PDE4A: variants seen among roughly 807,000 people sequenced by gnomAD.
The protein encoded by PDE4A is 3',5'-cyclic-AMP phosphodiesterase 4A.
Under a neutral mutation model 73.9 loss-of-function variants are expected in PDE4A, and 21 were observed. The ratio of observed to expected loss-of-function variants is 0.28; its 90% CI spans 0.20 to 0.41. The LOEUF (loss-of-function observed/expected upper bound fraction) is 0.41, where lower values mean the gene tolerates loss of function less well. PDE4A is among the 10% of genes least tolerant of loss of function. The probability of loss-of-function intolerance (pLI) is 1.00; values close to 1 mark genes in which losing one functional copy is unlikely to be tolerated. For synonymous variants in PDE4A, 463 were observed against 505.4 expected, an observed-to-expected ratio of 0.92 and a Z score of 1.13; for missense variants, 958 against 1,211.4, an observed-to-expected ratio of 0.79 and a Z score of 3.10.
chr19:10,453,751 T>C lies in PDE4A; in HGVS notation c.784-1078T>C, dbSNP rs1190373692. 3.9e-5 allele frequency among the ~76,000 whole-genome samples: 6 copies of C among 152,236 alleles called. No individual in the cohort carries two copies. The East Asian group carries it at 9.6e-4, about 24-fold the overall frequency. On this transcript the variant is annotated intron_variant, in intron 6 of 14. Transcript: ENST00000380702. This position sits in a 1 kb window ranked among gnomAD's most constrained non-coding sequence, Gnocchi z 4.6. ...ATGTCAGTGACCGCCTTATTTTGCA[T>C]GCCCTTTGATCTGTGTGTCTGGGCT...
At chr19:10,460,655 G>A (rs1399683945) in intron 10 of PDE4A, among the ~76,000 whole-genome samples, 5 of 151,914 alleles carry the variant, frequency 3.3e-5, no homozygotes, top group South Asian at 2.1e-4. Context: ...AAAATTAGCC[G>A]GGCGTGGTGG....
chr19:10,417,634 C>T (rs369772165), upstream of PDE4A: 25 of 1,572,724 alleles, frequency 1.6e-5, no homozygotes, highest in East Asian at 3.9e-4. Context: ...CAGGCCACGC[C>T]CCTATTCCAC....
At chr19:10,440,987 C>G (rs1169518210) in intron 1 of PDE4A, among the ~76,000 whole-genome samples, 1 of 151,894 alleles carries the variant, frequency 6.6e-6, no homozygotes, top group Non-Finnish European at 1.5e-5. Context: ...ATCCGCCCAC[C>G]TCGGCCTCCC....
chr19:10,443,147 T>C (rs1349771367), intron 1 of PDE4A, among the ~76,000 whole-genome samples: 1 of 152,076 alleles, frequency 6.6e-6, no homozygotes, highest in Non-Finnish European at 1.5e-5. Flanking sequence ...CACTCCAGCC[T>C]GGGCAACAGA....
chr19:10,417,893 G>A (rs1389902481), upstream of PDE4A: 4 of 1,536,006 alleles, frequency 2.6e-6, no homozygotes, highest in Admixed American at 7.8e-5. Context: ...CAGAGTGGGA[G>A]GTGGGTTGGG....
At chr19:10,440,497 C>T (rs2042922647) in intron 1 of PDE4A, among the ~76,000 whole-genome samples, 1 of 152,166 alleles carries the variant, frequency 6.6e-6, no homozygotes, top group Admixed American at 6.6e-5. Flanking sequence ...GATGTCAGCT[C>T]ACTGCAATCT....
rs1452906644 is a variant in PDE4A at position 10,461,747 on chromosome 19, TG to T, written c.1620+70del. On this transcript the variant is annotated intron_variant, in intron 12 of 14. Coordinates refer to ENST00000380702, the MANE Select transcript of PDE4A (RefSeq NM_001111307.2). ...AGGAGTCGAGGGCTTTGGGGAGGAG[TG>T]GGTCTGAGTCCCAGAGGAACCCTCA... 1.9e-6 allele frequency: 3 copies of T among 1,593,730 alleles called. No individual in the cohort carries two copies. The African/African-American group carries it at 4.1e-5, about 22-fold the overall frequency.
chr19:10,424,416 C>T lies in PDE4A; in HGVS notation c.320+3332C>T, dbSNP rs1357227831. ...TCTCTGTCTCCACTTGGGTCCTCGC[C>T]TCCCCCTTGTCCCTGGCGCTCCCAA... On this transcript the variant is annotated intron_variant, in intron 1 of 14. Coordinates refer to ENST00000380702, the MANE Select transcript of PDE4A (RefSeq NM_001111307.2). The surrounding 1 kb of genome is among the most constrained non-coding windows in gnomAD (Gnocchi z 4.8). Among the ~76,000 whole-genome samples the T allele has an allele frequency of 1.3e-5, 2 of 152,230 alleles. No individual in the cohort carries two copies. Among genetic ancestry groups the T allele is most frequent in the Admixed American group, 1.3e-4 (2 of 15,288 alleles).
chr19:10,437,197 C>T (rs867647510), intron 1 of PDE4A, among the ~76,000 whole-genome samples: 6 of 152,108 alleles, frequency 3.9e-5, no homozygotes, highest in Admixed American at 6.6e-5. Flanking sequence ...GATCTTGGCT[C>T]ACTGCAATCT....
At chr19:10,433,249 C>T (rs2042818690) in intron 1 of PDE4A, among the ~76,000 whole-genome samples, 1 of 152,102 alleles carries the variant, frequency 6.6e-6, no homozygotes, top group Non-Finnish European at 1.5e-5. Context: ...CCAAGAGGAC[C>T]CTGCAGTTGA....
intron 6 of PDE4A, 93 bp from the exon 7 acceptor site, chr19:10,454,736 A>T: frequency 6.9e-6 from 11 of 1,593,404 alleles, no homozygotes; most frequent in South Asian, 3.4e-5. Context: ...GGAGGGACTC[A>T]TGGGGTCTTC....
intron 14 of PDE4A, 113 bp from the exon 15 acceptor site, chr19:10,466,774 A>G (rs1302472005): frequency 1.3e-6 from 2 of 1,487,116 alleles, no homozygotes; most frequent in Admixed American, 2.1e-5. Flanking sequence ...GATTATAGAC[A>G]TGAGCCACCA....
At chr19:10,452,939 C>T (rs1429097474) in intron 6 of PDE4A, 3 of 1,119,854 alleles carry the variant, frequency 2.7e-6, no homozygotes, top group Non-Finnish European at 3.3e-6. Context: ...CGCACACACA[C>T]GGGTGCACAC....
At chr19:10,445,392 G>A (rs1354213877) in intron 1 of PDE4A, among the ~76,000 whole-genome samples, 2 of 152,172 alleles carry the variant, frequency 1.3e-5, no homozygotes, top group East Asian at 3.8e-4. Flanking sequence ...ACAGCAGTGG[G>A]GATGGATGCA....
chr19:10,455,899 GC>G (rs988417293), intron 7 of PDE4A, among the ~76,000 whole-genome samples: 34 of 152,160 alleles, frequency 2.2e-4, no homozygotes, highest in African/African-American at 8.0e-4. Flanking sequence ...CAAGAGAGAT[GC>G]CCAAACTCAG....
chr19:10,452,012 T>A (rs561530689), intron 6 of PDE4A, among the ~76,000 whole-genome samples: 1 of 146,368 alleles, frequency 6.8e-6, no homozygotes, highest in East Asian at 2.0e-4. Flanking sequence ...TGAGGATGTT[T>A]CTGCAATGGT....
Position 10,444,454 on chromosome 19 carries a change from C to T in PDE4A, c.321-1764C>T, listed in dbSNP as rs143389279. On this transcript the variant is annotated intron_variant, in intron 1 of 14. Transcript: ENST00000380702. ...CGGAGGTTGCGGTGAGCTGAGATCG[C>T]GCCATTGCATTCCAGCCTGGGCAAC... Among the ~76,000 whole-genome samples the T allele has an allele frequency of 1.4e-4, 21 of 151,198 alleles. No homozygotes were observed. The East Asian group carries it at 3.9e-3, about 28-fold the overall frequency.
intron 6 of PDE4A, among the ~76,000 whole-genome samples, chr19:10,454,582 C>A (rs1046502909): frequency 1.3e-5 from 2 of 152,192 alleles, no homozygotes; most frequent in African/African-American, 4.8e-5. Flanking sequence ...AGGAGGGAAG[C>A]CCCTCTTTCC....
chr19:10,457,605 C>A (rs924941542), intron 7 of PDE4A, among the ~76,000 whole-genome samples: 17 of 152,084 alleles, frequency 1.1e-4, no homozygotes, highest in African/African-American at 3.9e-4. Flanking sequence ...CCCCACCTCG[C>A]TTTCTGACTT....
Sources: allele counts gnomAD v4.1 joint callset (sites outside exome capture counted in the v4.1 genomes callset), GRCh38; gene constraint gnomAD v4.1.1; non-coding constraint Gnocchi (gnomAD v3.1); transcripts MANE v1.5; gene names NCBI Gene and HGNC (gene_info 2026-07-23, HGNC 2026-07-21).